CHD2: variants seen among roughly 807,000 people sequenced by gnomAD.
CHD2 encodes the protein ATP-dependent chromatin remodeler CHD2.
CHD2 carries 28 observed loss-of-function variants against 243.9 expected under a neutral mutation model. The observed-to-expected ratio is 0.11, with a 90% CI of 0.09 to 0.16. The LOEUF is 0.16. CHD2 is among the 10% of genes least tolerant of loss of function. The probability of loss-of-function intolerance (pLI) is 1.00; values close to 1 mark genes in which losing one functional copy is unlikely to be tolerated. For missense variants in CHD2, 1,386 were observed against 2,209.8 expected, an observed-to-expected ratio of 0.63 and a Z score of 7.47; for synonymous variants, 775 against 779.0, an observed-to-expected ratio of 0.99 and a Z score of 0.09.
chr15:93,024,350 A>C, intron 38 of CHD2, 22 bp from the exon 39 acceptor site: 1 of 1,600,344 alleles, frequency 6.2e-7, no homozygotes, highest in Non-Finnish European at 8.5e-7. Flanking sequence ...TCTTTCGACT[A>C]ATCCTTGCAT....
At chr15:93,003,286 C>CA (rs397853913) in intron 33 of CHD2, among the ~76,000 whole-genome samples, 25,407 of 130,754 alleles carry the variant, frequency 0.19, 2,702 homozygotes, top group Non-Finnish European at 0.25. Flanking sequence ...GACCTTGTCT[C>CA]AAAAAAAAAA....
intron 9 of CHD2, chr15:92,943,877 A>G (rs1419677861): frequency 6.6e-6 from 1 of 152,294 alleles, no homozygotes; most frequent in African/African-American, 2.4e-5. Flanking sequence ...TCTTTGACTC[A>G]AAACTGAAAA....
chr15:93,010,526 A>G (rs1285329882), intron 35 of CHD2, among the ~76,000 whole-genome samples: 1 of 151,390 alleles, frequency 6.6e-6, no homozygotes, highest in Non-Finnish European at 1.5e-5. Flanking sequence ...CTGGTTCAAG[A>G]GATTCTCCTG....
chr15:92,998,189 C>G lies in CHD2; in HGVS notation c.3886-310C>G. 9.5e-7 allele frequency: 1 copy of G among 1,051,298 alleles called. No individual in the cohort carries two copies. Among genetic ancestry groups the G allele is most frequent in the Non-Finnish European group, 1.1e-6 (1 of 871,386 alleles). The allele number at this position is 1,051,298 out of a possible 1,614,324, so 65.1% of individuals were successfully genotyped here. A position where few individuals can be genotyped will look rare whatever the true frequency, so the allele number is the denominator to read the frequency against. ...GCTCCTGGAAGGAGGAAATCCACGA[C>G]GGCTGGGATGCTCTAGCAGATGAAG... On this transcript the variant is annotated intron_variant, in intron 30 of 38. Transcript: ENST00000394196. This position sits in a 1 kb window ranked among gnomAD's most constrained non-coding sequence, Gnocchi z 5.1.
intron 2 of CHD2, among the ~76,000 whole-genome samples, chr15:92,916,745 G>A (rs919553813): frequency 2.6e-5 from 4 of 152,040 alleles, no homozygotes; most frequent in African/African-American, 9.7e-5. Flanking sequence ...GTAGAGACGG[G>A]GTTTCACCAT....
chr15:93,010,949 T>C (rs1355460726), intron 35 of CHD2, among the ~76,000 whole-genome samples: 1 of 152,336 alleles, frequency 6.6e-6, no homozygotes, highest in African/African-American at 2.4e-5. Flanking sequence ...TTAAGAAAAC[T>C]TCTGCATGAT....
rs78659457 is a variant in CHD2 at position 92,971,240 on chromosome 15, C to A, written c.2190-525C>A. Among the ~76,000 whole-genome samples the A allele has an allele frequency of 8.1e-3, 1,234 of 152,266 alleles. 54 individuals carry two copies. The highest frequency in any genetic ancestry group is 0.069 in the Admixed American group (1,054 of 15,298). On this transcript the variant is annotated intron_variant, in intron 17 of 38. Transcript: ENST00000394196. ...TTTTGGGATATTTGCTTTATACTTA[C>A]TAGTTAAGCATTCCAAATCTGGAAA...
chr15:93,024,777 C>T lies in CHD2; in HGVS notation c.*72C>T, dbSNP rs2054572708. On this transcript the variant is annotated 3_prime_UTR_variant, in exon 39 of 39. Transcript: ENST00000394196. Reference sequence around the variant, plus strand: ...ATTTTTGGTCTGATCCTACAGTAGCCGGTTATCTAGACCAGTAAGTGGAGT... The same window carrying T: ...ATTTTTGGTCTGATCCTACAGTAGCTGGTTATCTAGACCAGTAAGTGGAGT... 19 of 1,312,574 alleles carry T rather than the reference C, an allele frequency of 1.4e-5. No individual in the cohort carries two copies. The highest frequency in any genetic ancestry group is 2.2e-5 in the Admixed American group (1 of 44,788). 81.3% of individuals were successfully genotyped at this position (1,312,574 alleles called of 1,614,324 possible).
chr15:93,016,406 T>C (rs946417527), intron 37 of CHD2, among the ~76,000 whole-genome samples: 1 of 152,144 alleles, frequency 6.6e-6, no homozygotes, highest in African/African-American at 2.4e-5. Flanking sequence ...CAGTTAGATA[T>C]GAGGAATAAG....
chr15:92,952,380 A>C (rs911546352), intron 13 of CHD2, among the ~76,000 whole-genome samples: 3 of 152,096 alleles, frequency 2.0e-5, no homozygotes, highest in Non-Finnish European at 4.4e-5. Flanking sequence ...TTTATTGTGC[A>C]CTTTATTTCT....
intron 4 of CHD2, 129 bp downstream of exon 4, chr15:92,927,459 G>A (rs2053084336): frequency 1.6e-6 from 1 of 629,466 alleles, no homozygotes; most frequent in South Asian, 2.0e-5. Flanking sequence ...TCTAATATGA[G>A]CTATCTATGA....
At chr15:92,936,797 A>T (rs907825235) in intron 5 of CHD2, among the ~76,000 whole-genome samples, 3 of 151,972 alleles carry the variant, frequency 2.0e-5, no homozygotes, top group Non-Finnish European at 4.4e-5. Context: ...GCCTCAACTG[A>T]GACCTACTGC....
intron 34 of CHD2, among the ~76,000 whole-genome samples, chr15:93,005,117 A>G (rs1414014788): frequency 2.0e-5 from 3 of 152,222 alleles, no homozygotes; most frequent in Admixed American, 2.0e-4. Context: ...CATTTCTATC[A>G]TCGTAAACTG....
chr15:92,984,445 A>T lies in CHD2; in HGVS notation c.3182A>T (p.Gln1061Leu), dbSNP rs2054015674. 1 of 1,612,704 alleles carries T rather than the reference A, an allele frequency of 6.2e-7. No homozygotes were observed. The highest frequency in any genetic ancestry group is 8.5e-7 in the Non-Finnish European group (1 of 1,179,344). ...AAAAAAGTAGAGGAGGAAGAGCGGCAGAAGGAGCTAGAAGAAATTTATATG... is the reference window on the plus strand; with the variant it reads ...AAAAAAGTAGAGGAGGAAGAGCGGCTGAAGGAGCTAGAAGAAATTTATATG... ...QRKKVEEEERQKELEEIYMLP... is the reference protein window; with the variant it reads ...QRKKVEEEERLKELEEIYMLP... The change falls in exon 25 of 39, where the codon CAG becomes CTG. Residue 1061 changes from glutamine (Q) to leucine (L), a missense_variant. By Grantham distance (113) the Gln-to-Leu change is moderately radical (BLOSUM62 -2). This residue lies in a region of CHD2 where 99 missense variants were observed against 206.4 expected (regional missense o/e 0.48). Coordinates refer to ENST00000394196, the MANE Select transcript of CHD2 (RefSeq NM_001271.4).
intron 8 of CHD2, 84 bp downstream of exon 8, chr15:92,942,039 A>G (rs1025765660): frequency 7.6e-7 from 1 of 1,318,026 alleles, no homozygotes; most frequent in African/African-American, 1.5e-5. Context: ...AATGTGATGA[A>G]TTTTAGTCTA....
chr15:92,940,766 T>A (rs973585290), intron 7 of CHD2, among the ~76,000 whole-genome samples: 18 of 142,358 alleles, frequency 1.3e-4, no homozygotes, highest in East Asian at 1.2e-3. Context: ...TATATAAAAA[T>A]ATATATAAAA....
At chr15:92,992,032 C>T (rs552676307) in intron 27 of CHD2, among the ~76,000 whole-genome samples, 29 of 152,222 alleles carry the variant, frequency 1.9e-4, no homozygotes, top group Non-Finnish European at 2.4e-4. Context: ...GAAAATAATT[C>T]AGAAGTTAGA....
intron 37 of CHD2, among the ~76,000 whole-genome samples, chr15:93,016,663 T>C (rs1205184545): frequency 6.6e-6 from 1 of 151,680 alleles, no homozygotes; most frequent in Admixed American, 6.6e-5. Context: ...GGCGTAGTAG[T>C]CCCAGCTACT....
chr15:92,967,183 C>T (rs150455447), intron 16 of CHD2, 142 bp from the exon 17 acceptor site: 4 of 593,600 alleles, frequency 6.7e-6, no homozygotes, highest in South Asian at 4.9e-5. Flanking sequence ...TACTTTTCCC[C>T]TTTTTGTTTT....
Sources: gnomAD v4.1 joint callset for allele counts (sites outside exome capture counted in the v4.1 genomes callset) on GRCh38, gnomAD v4.1.1 for gene constraint, gnomAD v4.1.1 regional missense constraint, Gnocchi (gnomAD v3.1) non-coding constraint, MANE v1.5 for transcripts, NCBI Gene and HGNC (gene_info 2026-07-23, HGNC 2026-07-21) for gene names.